Variants in EEF1AKMT2 observed in about 807,000 individuals in gnomAD.
The protein encoded by EEF1AKMT2 is EEF1A lysine methyltransferase 2, also known as eukaryotic translation elongation factor 1 alpha lysine methyltransferase 2.
Under a neutral mutation model 35.8 loss-of-function variants are expected in EEF1AKMT2, and 32 were observed. That is an observed-to-expected ratio of 0.89 (90% CI 0.67 to 1.20). EEF1AKMT2 has a LOEUF of 1.20. Ranked by LOEUF, EEF1AKMT2 falls within the 50% of genes most tolerant of loss-of-function variation. The probability of loss-of-function intolerance (pLI) is 0.00; values close to 1 mark genes in which losing one functional copy is unlikely to be tolerated. For missense variants in EEF1AKMT2, 330 were observed against 347.5 expected (o/e 0.95, Z 0.40); for synonymous variants, 121 against 133.7 (o/e 0.91, Z 0.65).
chr10:124,770,426 A>C (rs1950421363), intron 4 of EEF1AKMT2, among the ~76,000 whole-genome samples: 1 of 152,120 alleles, frequency 6.6e-6, no homozygotes. Flanking sequence ...CCCCACAAAA[A>C]ATACTTTATT....
At chr10:124,787,880 T>G (rs1193209408) in intron 3 of EEF1AKMT2, among the ~76,000 whole-genome samples, 1 of 152,220 alleles carries the variant, frequency 6.6e-6, no homozygotes, top group Non-Finnish European at 1.5e-5. Context: ...TGTATACTTC[T>G]GATTTGTGCA....
At chr10:124,781,000 C>A (rs889912621) in intron 3 of EEF1AKMT2, among the ~76,000 whole-genome samples, 1 of 151,822 alleles carries the variant, frequency 6.6e-6, no homozygotes, top group Non-Finnish European at 1.5e-5. Flanking sequence ...AGCTGGAATG[C>A]AGTGGCGCGA....
chr10:124,771,588 G>T (rs1334703105), intron 4 of EEF1AKMT2, among the ~76,000 whole-genome samples: 1 of 151,872 alleles, frequency 6.6e-6, no homozygotes, highest in Admixed American at 6.6e-5. Flanking sequence ...AAGATTAATC[G>T]GCTGGGCATG....
intron 4 of EEF1AKMT2, among the ~76,000 whole-genome samples, chr10:124,772,949 T>C (rs1950451073): frequency 6.6e-6 from 1 of 152,226 alleles, no homozygotes; most frequent in Non-Finnish European, 1.5e-5. Flanking sequence ...GACTTTCTCA[T>C]CATTCATGTG....
rs1340890655 is a variant in EEF1AKMT2, at chr10:124,759,071, A to G, written c.*1432T>C. On this transcript the variant is annotated 3_prime_UTR_variant, in exon 7 of 7. Coordinates refer to ENST00000368836, the MANE Select transcript of EEF1AKMT2 (RefSeq NM_212554.4). ...CTCAATACAGGAGTAACATTTGCCA[A>G]ACAAAAAGTCACTTATGTAACCCAA... 1.3e-5 allele frequency: 2 copies of G among 152,190 alleles called. No homozygotes were observed. Among genetic ancestry groups the G allele is most frequent in the Non-Finnish European group, 2.9e-5 (2 of 68,026 alleles). 9.4% of individuals were successfully genotyped at this position (152,190 alleles called of 1,614,324 possible). A position where few individuals can be genotyped will look rare whatever the true frequency, so the allele number is the denominator to read the frequency against.
At chr10:124,778,744 CAG>C (rs1453414321) in intron 3 of EEF1AKMT2, among the ~76,000 whole-genome samples, 4 of 144,848 alleles carry the variant, frequency 2.8e-5, no homozygotes, top group East Asian at 2.0e-4. Context: ...AAAAGAAAAA[CAG>C]AAAAATCTCA....
At chr10:124,760,875 T>C (rs1950325036) in intron 6 of EEF1AKMT2, among the ~76,000 whole-genome samples, 1 of 152,246 alleles carries the variant, frequency 6.6e-6, no homozygotes, top group South Asian at 2.1e-4. Flanking sequence ...TTTTGTTTGT[T>C]TGTTTGCTTT....
At chr10:124,783,227 A>C (rs1229090548) in intron 3 of EEF1AKMT2, among the ~76,000 whole-genome samples, 1 of 128,212 alleles carries the variant, frequency 7.8e-6, no homozygotes, top group Admixed American at 9.8e-5. Flanking sequence ...TGCAACCTCC[A>C]CCTCCCAGGT....
intron 4 of EEF1AKMT2, among the ~76,000 whole-genome samples, chr10:124,772,708 G>T (rs189523871): frequency 6.6e-6 from 1 of 152,144 alleles, no homozygotes; most frequent in South Asian, 2.1e-4. Flanking sequence ...GATTACAGGC[G>T]TGAGCCACTG....
chr10:124,791,056 C>T (rs766183991), intron 1 of EEF1AKMT2, among the ~76,000 whole-genome samples: 1 of 152,180 alleles, frequency 6.6e-6, no homozygotes, highest in African/African-American at 2.4e-5. Context: ...AGCCACCACG[C>T]ACCCGGCCCT....
chr10:124,771,199 A>G (rs1950431195), intron 4 of EEF1AKMT2, among the ~76,000 whole-genome samples: 4 of 151,322 alleles, frequency 2.6e-5, no homozygotes, highest in Admixed American at 2.6e-4. Context: ...TCCCAGGTTC[A>G]CGCCATTCTC....
At chr10:124,773,774 G>A (rs762343536) in intron 4 of EEF1AKMT2, among the ~76,000 whole-genome samples, 27 of 152,250 alleles carry the variant, frequency 1.8e-4, no homozygotes, top group African/African-American at 6.5e-4. Context: ...ATAATGAAAA[G>A]CTCTGAAATA....
chr10:124,784,687 T>C (rs1222451660), intron 3 of EEF1AKMT2, among the ~76,000 whole-genome samples: 2 of 151,952 alleles, frequency 1.3e-5, no homozygotes, highest in East Asian at 1.9e-4. Context: ...TCCCAGAACT[T>C]TGGGAGGCCA....
chr10:124,764,912 T>C (rs965484), intron 5 of EEF1AKMT2, among the ~76,000 whole-genome samples: 74,121 of 151,998 alleles, frequency 0.49, 20,053 homozygotes, highest in South Asian at 0.65. Context: ...GTTTTTCTCT[T>C]TTTTTGTTTA....
At chr10:124,786,287 ACGAGGTCAGGAGAT>A (rs1324928559) in intron 3 of EEF1AKMT2, among the ~76,000 whole-genome samples, 3 of 151,978 alleles carry the variant, frequency 2.0e-5, no homozygotes, top group Non-Finnish European at 4.4e-5. Context: ...CGGGCAGATC[ACGAGGTCAGGAGAT>A]CGAGACCATC....
At position 124,790,272 on chromosome 10, in the gene EEF1AKMT2, C is replaced by A. The variant is rs1369654442; in HGVS notation, c.176+1G>T. On this transcript the variant is annotated splice_donor_variant, in intron 2 of 6. Coordinates refer to ENST00000368836, the MANE Select transcript of EEF1AKMT2 (RefSeq NM_212554.4). LOFTEE classifies it high-confidence loss of function. ...ATAACTTGATTCTTTTCCTAACTCA[C>A]CAGATTTCACCTGTATCTCCATATT... The A allele has an allele frequency of 6.2e-7, 1 of 1,602,678 alleles. No individual in the cohort carries two copies. The highest frequency in any genetic ancestry group is 1.7e-4 in the Middle Eastern group (1 of 6,040).
At chr10:124,789,760 T>TAA (rs535532582) in intron 2 of EEF1AKMT2, among the ~76,000 whole-genome samples, 6,425 of 113,950 alleles carry the variant, frequency 0.056, 481 homozygotes, top group African/African-American at 0.19. Flanking sequence ...CCCACCTCTC[T>TAA]AAAAAAAAAA....
rs1411005900 is a variant in EEF1AKMT2 at position 124,758,169 on chromosome 10, C to T, written c.*2334G>A. The T allele has an allele frequency of 6.6e-6, 1 of 152,170 alleles. No homozygotes were observed. Among genetic ancestry groups the T allele is most frequent in the East Asian group, 1.9e-4 (1 of 5,206 alleles). The allele number at this position is 152,170 out of a possible 1,614,324, so 9.4% of individuals were successfully genotyped here. A position where few individuals can be genotyped will look rare whatever the true frequency, so the allele number is the denominator to read the frequency against. On this transcript the variant is annotated 3_prime_UTR_variant, in exon 7 of 7. Transcript: ENST00000368836. ...AGCGTCTTTCGATTAAATGAAATCACAATTCCAGCTTCTTATCCACAGAAA... is the reference window on the plus strand; with the variant it reads ...AGCGTCTTTCGATTAAATGAAATCATAATTCCAGCTTCTTATCCACAGAAA...
rs1215959459 is a variant in EEF1AKMT2 at position 124,760,038 on chromosome 10, T to C, written c.*465A>G. The C allele has an allele frequency of 4.8e-6, 1 of 206,678 alleles. No individual in the cohort carries two copies. The allele number at this position is 206,678 out of a possible 1,614,324, so 12.8% of individuals were successfully genotyped here. ...TTATTATTCTGATGCTGGAATAATT[T>C]GGTCAAATATTCATAAATAGTTATC... On this transcript the variant is annotated 3_prime_UTR_variant, in exon 7 of 7. Coordinates refer to ENST00000368836, the MANE Select transcript of EEF1AKMT2 (RefSeq NM_212554.4).
Sources: gnomAD v4.1 joint callset for allele counts (sites outside exome capture counted in the v4.1 genomes callset) on GRCh38, gnomAD v4.1.1 for gene constraint, MANE v1.5 for transcripts, NCBI Gene and HGNC (gene_info 2026-07-23, HGNC 2026-07-21) for gene names.